Variants in SGCZ observed in about 807,000 individuals in gnomAD.
The protein encoded by SGCZ is zeta-sarcoglycan.
Under a neutral mutation model 41.3 loss-of-function variants are expected in SGCZ, and 40 were observed. That is an observed-to-expected ratio of 0.97 (90% CI 0.75 to 1.26). SGCZ has a LOEUF of 1.26. SGCZ is among the 50% of genes most tolerant of loss of function. The pLI is 0.00. For synonymous variants in SGCZ, 206 were observed against 137.5 expected (o/e 1.50, Z -3.49); for missense variants, 552 against 369.8 (o/e 1.49, Z -4.04).
intron 1 of SGCZ, among the ~76,000 whole-genome samples, chr8:15,222,788 C>T (rs1434906861): frequency 6.6e-6 from 1 of 151,296 alleles, no homozygotes; most frequent in Admixed American, 6.6e-5. Flanking sequence ...TGTGTGTATG[C>T]GTGCATGTGT....
chr8:14,171,385 A>G (rs1324650827), intron 4 of SGCZ, among the ~76,000 whole-genome samples: 3 of 151,934 alleles, frequency 2.0e-5, no homozygotes, highest in Non-Finnish European at 4.4e-5. Context: ...AAGTTTTCTA[A>G]TTTATTTTTA....
chr8:14,784,401 C>T (rs1315451489), intron 1 of SGCZ, among the ~76,000 whole-genome samples: 1 of 71,158 alleles, frequency 1.4e-5, no homozygotes, highest in Non-Finnish European at 2.5e-5. Context: ...TTTCATGTCA[C>T]ATATATCAGA....
intron 1 of SGCZ, among the ~76,000 whole-genome samples, chr8:14,606,575 C>T (rs534882215): frequency 1.3e-5 from 2 of 152,246 alleles, no homozygotes; most frequent in East Asian, 1.9e-4. Context: ...TTGTCCCTTC[C>T]CCCCATCATA....
At chr8:14,534,173 A>T (rs1803223680) in intron 2 of SGCZ, among the ~76,000 whole-genome samples, 1 of 152,014 alleles carries the variant, frequency 6.6e-6, no homozygotes, top group South Asian at 2.1e-4. Context: ...AGAAGTTTTA[A>T]GATGCCAGGT....
chr8:14,264,459 T>C (rs1799801414), intron 3 of SGCZ, among the ~76,000 whole-genome samples: 1 of 152,068 alleles, frequency 6.6e-6, no homozygotes, highest in Non-Finnish European at 1.5e-5. Flanking sequence ...AGATTTCCCT[T>C]CCTTCAGGAA....
chr8:15,185,826 T>C (rs1462201115), intron 1 of SGCZ, among the ~76,000 whole-genome samples: 2 of 152,186 alleles, frequency 1.3e-5, no homozygotes, highest in Non-Finnish European at 2.9e-5. Flanking sequence ...TATAACTTTG[T>C]ATGTAAAATG....
intron 1 of SGCZ, among the ~76,000 whole-genome samples, chr8:14,622,088 G>C (rs115101487): frequency 0.018 from 2,758 of 152,166 alleles, 46 homozygotes; most frequent in African/African-American, 0.043. Context: ...AGTTTGTATA[G>C]GTAGAAAAAA....
At chr8:14,210,727 A>G (rs751500851) in intron 4 of SGCZ, among the ~76,000 whole-genome samples, 1 of 152,158 alleles carries the variant, frequency 6.6e-6, no homozygotes, top group Non-Finnish European at 1.5e-5. Flanking sequence ...TCGGCCTCCC[A>G]AAGTGCTAGG....
At chr8:15,201,910 A>G (rs1188033150) in intron 1 of SGCZ, among the ~76,000 whole-genome samples, 1 of 152,178 alleles carries the variant, frequency 6.6e-6, no homozygotes, top group Non-Finnish European at 1.5e-5. Flanking sequence ...AGTCAACAGT[A>G]TTTTTAAATG....
At position 15,237,666 on chromosome 8, in the gene SGCZ, A is replaced by T; in HGVS notation, c.-43T>A. The stretch of plus-strand genomic sequence containing the variant: ...AGTGGAGAGGAACCGGGCGAGTGGC[A>T]CCCAAAAACAATCTAGTCTTTTAGT... On this transcript the variant is annotated 5_prime_UTR_variant, in exon 1 of 8. Coordinates refer to ENST00000382080, the MANE Select transcript of SGCZ (RefSeq NM_139167.4). 1 of 1,560,504 alleles carries T rather than the reference A, an allele frequency of 6.4e-7. No homozygotes were observed. Among genetic ancestry groups the T allele is most frequent in the East Asian group, 2.4e-5 (1 of 42,120 alleles).
At chr8:14,772,827 T>G (rs571511509) in intron 1 of SGCZ, among the ~76,000 whole-genome samples, 1 of 152,166 alleles carries the variant, frequency 6.6e-6, no homozygotes, top group South Asian at 2.1e-4. Context: ...CAGTCTATCA[T>G]TGTTGGACAT....
chr8:14,744,344 G>T (rs746921577), intron 1 of SGCZ, among the ~76,000 whole-genome samples: 3 of 152,070 alleles, frequency 2.0e-5, no homozygotes, highest in African/African-American at 7.2e-5. Context: ...GGGCCAACAG[G>T]TCTATAGGCC....
intron 2 of SGCZ, among the ~76,000 whole-genome samples, chr8:14,427,321 C>G (rs1455993599): frequency 6.6e-6 from 1 of 151,630 alleles, no homozygotes; most frequent in East Asian, 1.9e-4. Context: ...ACACATGTAC[C>G]CCTGAACTTA....
chr8:14,751,409 T>A (rs2130317777), intron 1 of SGCZ, among the ~76,000 whole-genome samples: 1 of 152,290 alleles, frequency 6.6e-6, no homozygotes, highest in South Asian at 2.1e-4. Flanking sequence ...ATATGACATC[T>A]TATCTACCTT....
chr8:14,758,874 A>G (rs1354549173), intron 1 of SGCZ, among the ~76,000 whole-genome samples: 1 of 151,850 alleles, frequency 6.6e-6, no homozygotes, highest in Non-Finnish European at 1.5e-5. Context: ...TGGGTGTAGC[A>G]TTATGTGCCT....
At chr8:14,735,368 G>A (rs953786037) in intron 1 of SGCZ, among the ~76,000 whole-genome samples, 5 of 152,164 alleles carry the variant, frequency 3.3e-5, no homozygotes, top group African/African-American at 1.2e-4. Context: ...CGCCAGCACG[G>A]CTAAAACAAA....
At chr8:14,802,749 A>G (rs551462324) in intron 1 of SGCZ, among the ~76,000 whole-genome samples, 7 of 152,310 alleles carry the variant, frequency 4.6e-5, no homozygotes, top group Admixed American at 2.6e-4. Context: ...TGGAGCCCTA[A>G]GGAGTTAAAA....
Position 14,987,836 on chromosome 8 carries a change from C to T in SGCZ, c.39+249749G>A, listed in dbSNP as rs73519052. 4.4e-3 allele frequency among the ~76,000 whole-genome samples: 672 copies of T among 152,038 alleles called. 4 individuals are homozygous for T. The highest frequency in any genetic ancestry group is 0.015 in the African/African-American group (632 of 41,526). On this transcript the variant is annotated intron_variant, in intron 1 of 7. Coordinates refer to ENST00000382080, the MANE Select transcript of SGCZ (RefSeq NM_139167.4). The stretch of plus-strand genomic sequence containing the variant: ...GCAACAATTTCATTGCATAAAGTTA[C>T]ATATCAATTAATACGTGTATTAAAT...
At chr8:14,246,218 C>G (rs1024620624) in intron 3 of SGCZ, among the ~76,000 whole-genome samples, 11 of 152,108 alleles carry the variant, frequency 7.2e-5, no homozygotes, top group African/African-American at 2.7e-4. Context: ...CAATGATAGA[C>G]TGGATTAAGA....
Sources: gnomAD v4.1 joint callset for allele counts (sites outside exome capture counted in the v4.1 genomes callset) on GRCh38, gnomAD v4.1.1 for gene constraint, MANE v1.5 for transcripts, NCBI Gene and HGNC (gene_info 2026-07-23, HGNC 2026-07-21) for gene names.